AKAP9: variants seen among roughly 807,000 people sequenced by gnomAD.
AKAP9 encodes A-kinase anchoring protein 9, also known as A-kinase anchor protein 9.
A neutral mutation model predicts 488.5 loss-of-function variants in AKAP9; 311 were observed. The ratio of observed to expected loss-of-function variants is 0.64; its 90% CI spans 0.58 to 0.70. The LOEUF (loss-of-function observed/expected upper bound fraction) is 0.70. Among genes scored for constraint, AKAP9 ranks in the 30% least tolerant of loss-of-function variants. The pLI is 0.00. For missense variants in AKAP9, 4,215 were observed against 4,374.5 expected (o/e 0.96, Z 1.03); for synonymous variants, 1,462 against 1,483.5 (o/e 0.99, Z 0.33).
At chr7:92,035,324 C>T (rs1805012236) in intron 16 of AKAP9, among the ~76,000 whole-genome samples, 1 of 152,084 alleles carries the variant, frequency 6.6e-6, no homozygotes, top group Non-Finnish European at 1.5e-5. Flanking sequence ...GGCAAAATAC[C>T]TCATATAATT....
At chr7:92,032,757 C>G (rs1275958618) in intron 16 of AKAP9, among the ~76,000 whole-genome samples, 1 of 151,930 alleles carries the variant, frequency 6.6e-6, no homozygotes, top group African/African-American at 2.4e-5. Context: ...AAGTGAAACA[C>G]TATCATTTTT....
In AKAP9 at chr7:92,096,967, G is replaced by C; in HGVS notation, c.10008G>C (p.Arg3336=). Residue 3336 remains arginine (R), a synonymous_variant, in exon 41 of 50, where the codon CGG becomes CGC. Coordinates refer to ENST00000356239, the MANE Select transcript of AKAP9 (RefSeq NM_005751.5). ...LQSSDGTGQS[R]PPLPSEDLLK... The stretch of plus-strand genomic sequence containing the variant: ...GCAGTGATGGTACTGGACAGTCTCG[G>C]CCACCCTTGCCCTCAGAGGACCTAC... 3.7e-6 allele frequency: 6 copies of C among 1,614,140 alleles called. No homozygotes were observed. The highest frequency in any genetic ancestry group is 5.1e-6 in the Non-Finnish European group (6 of 1,179,990).
At chr7:92,058,925 A>C (rs1016759697) in intron 22 of AKAP9, among the ~76,000 whole-genome samples, 5 of 152,026 alleles carry the variant, frequency 3.3e-5, no homozygotes, top group African/African-American at 1.2e-4. Flanking sequence ...TTGTGGAACA[A>C]GACCCTTTTC....
At chr7:91,998,296 T>C (rs1798663311) in intron 7 of AKAP9, among the ~76,000 whole-genome samples, 1 of 152,122 alleles carries the variant, frequency 6.6e-6, no homozygotes, top group African/African-American at 2.4e-5. Flanking sequence ...CACAACTGTG[T>C]TGATGATCAA....
Position 92,079,718 on chromosome 7 carries a change from G to C in AKAP9, c.7585G>C (p.Gly2529Arg). The change falls in exon 31 of 50, where the codon GGC becomes CGC. Residue 2529 changes from glycine to arginine, a missense_variant. By Grantham distance (125) the Gly-to-Arg change is moderately radical. Transcript: ENST00000356239. ...ACAAATAAAAGACATGCAAGAACAA[G>C]GCCAGTTTGAAACAGAAATGCTTCA... Reference protein sequence around the residue: ...YKQIKDMQEQGQFETEMLQKK... With the variant: ...YKQIKDMQEQRQFETEMLQKK... 3.7e-6 allele frequency: 6 copies of C among 1,614,090 alleles called. No individual in the cohort carries two copies. Among genetic ancestry groups the C allele is most frequent in the Non-Finnish European group, 4.2e-6 (5 of 1,179,994 alleles).
At chr7:92,003,502 A>G (rs749614633) in intron 8 of AKAP9, among the ~76,000 whole-genome samples, 13 of 152,082 alleles carry the variant, frequency 8.5e-5, no homozygotes, top group Non-Finnish European at 7.4e-5. Context: ...CTTTGGAAAG[A>G]CAAGAGTTTG....
At chr7:92,099,537 T>G in intron 43 of AKAP9, 150 bp from the exon 44 acceptor site, 2 of 815,134 alleles carry the variant, frequency 2.5e-6, no homozygotes, top group South Asian at 1.5e-5. Flanking sequence ...TTCCTTATCT[T>G]TTCTGCCTGG....
chr7:92,000,909 T>C lies in AKAP9; in HGVS notation c.992T>C (p.Ile331Thr), dbSNP rs904851489. Residue 331 changes from isoleucine (I) to threonine (T), a missense_variant, in exon 8 of 50, where the codon ATT becomes ACT. Around this residue, in one of 5 missense-constraint regions of AKAP9, gnomAD observed 2,361 missense variants for 2,430.0 expected, o/e 0.97. Transcript: ENST00000356239. ...KEEIQEKETI[I>T]EELNTKIIEE... ...GAAATACAGGAAAAGGAGACAATCA[T>C]TGAAGAATTAAACACAAAAATAATA... The C allele has an allele frequency of 2.0e-5, 29 of 1,450,158 alleles. No individual in the cohort carries two copies. The highest frequency in any genetic ancestry group is 5.8e-5 in the African/African-American group (4 of 69,142). 89.8% of individuals were successfully genotyped at this position (1,450,158 alleles called of 1,614,324 possible).
intron 1 of AKAP9, among the ~76,000 whole-genome samples, chr7:91,952,452 G>A (rs1301423111): frequency 6.6e-6 from 1 of 152,192 alleles, no homozygotes; most frequent in East Asian, 1.9e-4. Flanking sequence ...GAAAAACACA[G>A]AAGAGGGATA....
At position 91,958,877 on chromosome 7, in the gene AKAP9, C is replaced by CATT. The variant is rs199851004; in HGVS notation, c.49-14812_49-14810dup. ...ATTAAGATTTTTTTTTTGAAAACAT[C>CATT]ATTATTATTATTATTATTATTATTT... On this transcript the variant is annotated intron_variant, in intron 1 of 49. Transcript: ENST00000356239. 0.028 allele frequency among the ~76,000 whole-genome samples: 4,243 copies of CATT among 150,780 alleles called. 344 individuals carry two copies. In the East Asian group the frequency reaches 0.35, roughly 12 times the overall value.
chr7:92,008,481 A>G (rs2130690061), intron 8 of AKAP9, among the ~76,000 whole-genome samples: 1 of 151,910 alleles, frequency 6.6e-6, no homozygotes, highest in East Asian at 1.9e-4. Context: ...AGGCCAGGAG[A>G]TCGAGACCAT....
At chr7:92,011,458 CAG>C (rs1800729593) in intron 8 of AKAP9, among the ~76,000 whole-genome samples, 1 of 152,144 alleles carries the variant, frequency 6.6e-6, no homozygotes, top group South Asian at 2.1e-4. Context: ...AAATTAATCT[CAG>C]TATTCAGTGT....
Position 92,012,457 on chromosome 7 carries a change from A to C in AKAP9, c.3347A>C (p.Gln1116Pro). 1 of 1,614,092 alleles carries C rather than the reference A, an allele frequency of 6.2e-7. No individual in the cohort carries two copies. The highest frequency in any genetic ancestry group is 8.5e-7 in the Non-Finnish European group (1 of 1,179,966). Residue 1116 changes from glutamine (Q) to proline (P), a missense_variant, in exon 9 of 50, where the codon CAA becomes CCA. By Grantham distance (76) the Gln-to-Pro change is moderately conservative (BLOSUM62 -1). This residue lies in a region of AKAP9 where 2,361 missense variants were observed against 2,430.0 expected (regional missense o/e 0.97). Transcript: ENST00000356239. ...QNDLRLQMEA[Q>P]RICLSLVYST... is the part of the protein sequence containing the mutation. ...GATTTAAGGCTACAGATGGAAGCCC[A>C]ACGCATTTGCCTCTCTCTGGTTTAT...
chr7:92,073,855 A>G (rs1177205382), intron 28 of AKAP9, among the ~76,000 whole-genome samples: 1 of 152,212 alleles, frequency 6.6e-6, no homozygotes, highest in Non-Finnish European at 1.5e-5. Context: ...GTTAAAACAC[A>G]AGTCTTACAC....
At chr7:91,979,373 G>A (rs1386828699) in intron 2 of AKAP9, among the ~76,000 whole-genome samples, 1 of 152,094 alleles carries the variant, frequency 6.6e-6, no homozygotes, top group Non-Finnish European at 1.5e-5. Context: ...TATCTCGTGA[G>A]ACTTACTACC....
In AKAP9 at chr7:92,052,745, C is replaced by G. The variant is rs1563054279; in HGVS notation, c.5388C>G (p.Pro1796=). The change falls in exon 22 of 50, where the codon CCC becomes CCG. Residue 1796 remains proline (P), a synonymous_variant. Coordinates refer to ENST00000356239, the MANE Select transcript of AKAP9 (RefSeq NM_005751.5). The part of the protein sequence containing the change: ...EHTRVTDESI[P]SYSGSDMPRN... ...TTCTAGTTACAGATGAATCCATTCCCTCTTATTCTGGAAGTGATATGCCAA... is the reference window on the plus strand; with the variant it reads ...TTCTAGTTACAGATGAATCCATTCCGTCTTATTCTGGAAGTGATATGCCAA... 6.2e-7 allele frequency: 1 copy of G among 1,612,092 alleles called. No homozygotes were observed. The highest frequency in any genetic ancestry group is 8.5e-7 in the Non-Finnish European group (1 of 1,178,448).
chr7:92,042,723 TAGAC>T lies in AKAP9; in HGVS notation c.5118_5121del (p.Asp1706GlufsTer26), dbSNP rs1806318866. On this transcript the variant is annotated frameshift_variant, in exon 20 of 50. Coordinates refer to ENST00000356239, the MANE Select transcript of AKAP9 (RefSeq NM_005751.5). LOFTEE classifies it high-confidence loss of function. ...GAACAAACATTTAAAGAAAAGGAAT[TAGAC>T]AGAAAACCTGAAGATGTGCCTCCTG... 6.2e-7 allele frequency: 1 copy of T among 1,612,126 alleles called. No homozygotes were observed. The highest frequency in any genetic ancestry group is 8.5e-7 in the Non-Finnish European group (1 of 1,178,700).
intron 36 of AKAP9, 115 bp downstream of exon 36, chr7:92,085,801 A>G: frequency 2.4e-6 from 2 of 818,954 alleles, no homozygotes; most frequent in South Asian, 2.4e-5. Flanking sequence ...CTATATATAT[A>G]TATTTTCACA....
Position 92,072,866 on chromosome 7 carries a change from C to T in AKAP9, c.6612+1857C>T, listed in dbSNP as rs183259952. On this transcript the variant is annotated intron_variant, in intron 28 of 49. Transcript: ENST00000356239. The stretch of plus-strand genomic sequence containing the variant: ...CCTTTTACCGTTAACACTTTCTTCC[C>T]GAGGACAGACTCTGTTATCCCCATT... Among the ~76,000 whole-genome samples, 5 of 152,250 alleles carry T rather than the reference C, an allele frequency of 3.3e-5. No homozygotes were observed. The East Asian group carries it at 9.6e-4, about 29-fold the overall frequency.
Sources: gnomAD v4.1 joint callset for allele counts (sites outside exome capture counted in the v4.1 genomes callset) on GRCh38, gnomAD v4.1.1 for gene constraint, gnomAD v4.1.1 regional missense constraint, MANE v1.5 for transcripts, NCBI Gene and HGNC (gene_info 2026-07-23, HGNC 2026-07-21) for gene names.